The following SVOP variants were observed in gnomAD, a reference collection of about 807,000 sequenced individuals.
The protein encoded by SVOP is synaptic vesicle 2-related protein.
Under a neutral mutation model 69.1 loss-of-function variants are expected in SVOP, and 17 were observed. That is an observed-to-expected ratio of 0.25 (90% CI 0.17 to 0.37). The LOEUF (loss-of-function observed/expected upper bound fraction) is 0.37, where lower values mean the gene tolerates loss of function less well. SVOP is among the 10% of genes least tolerant of loss of function. The pLI, the probability that SVOP is intolerant of heterozygous loss-of-function variation, is 1.00. For synonymous variants in SVOP, 238 were observed against 238.6 expected, an observed-to-expected ratio of 1.00 and a Z score of 0.02; for missense variants, 435 against 597.5, an observed-to-expected ratio of 0.73 and a Z score of 2.84.
At chr12:108,958,460 G>A (rs990023437) in intron 6 of SVOP, among the ~76,000 whole-genome samples, 7 of 152,174 alleles carry the variant, frequency 4.6e-5, no homozygotes, top group East Asian at 1.9e-4. Context: ...AGGCTATACC[G>A]TATAGCCTAG....
In SVOP at chr12:108,909,090, G is replaced by T. The variant is rs1457524032; in HGVS notation, c.*3445C>A. 1 of 152,206 alleles carries T rather than the reference G, an allele frequency of 6.6e-6. No individual in the cohort carries two copies. The highest frequency in any genetic ancestry group is 1.9e-4 in the East Asian group (1 of 5,206). The allele number at this position is 152,206 out of a possible 1,614,324, so 9.4% of individuals were successfully genotyped here. On this transcript the variant is annotated 3_prime_UTR_variant, in exon 16 of 16. Coordinates refer to ENST00000610966, the MANE Select transcript of SVOP (RefSeq NM_018711.5). ...CCATTTTGTGACCATGAGGTTTCAA[G>T]CACAGGGTCAGATGGCCAACATGCA...
intron 7 of SVOP, 114 bp from the exon 8 acceptor site, chr12:108,941,023 T>C (rs1038036451): frequency 1.4e-6 from 2 of 1,404,264 alleles, no homozygotes; most frequent in African/African-American, 2.9e-5. Context: ...TCGGAGTCAG[T>C]AAGGTTAGAA....
At chr12:109,015,988 A>T (rs1003638893) in intron 1 of SVOP, among the ~76,000 whole-genome samples, 6 of 152,194 alleles carry the variant, frequency 3.9e-5, no homozygotes, top group East Asian at 3.8e-4. Context: ...ACATCTTCTT[A>T]GTGTTTTGCA....
intron 8 of SVOP, 145 bp from the exon 9 acceptor site, chr12:108,939,100 A>C: frequency 8.8e-7 from 1 of 1,141,692 alleles, no homozygotes; most frequent in Non-Finnish European, 1.2e-6. Context: ...TGGCCCCACC[A>C]TTTATTATGT....
intron 1 of SVOP, among the ~76,000 whole-genome samples, chr12:109,017,821 G>A (rs1336094420): frequency 6.6e-6 from 1 of 151,920 alleles, no homozygotes; most frequent in African/African-American, 2.4e-5. Flanking sequence ...TGGGATTATA[G>A]GCATGACCCA....
intron 1 of SVOP, among the ~76,000 whole-genome samples, chr12:108,992,745 G>A (rs1021055447): frequency 1.3e-5 from 2 of 152,150 alleles, no homozygotes; most frequent in African/African-American, 4.8e-5. Flanking sequence ...GGATTGCCAG[G>A]GAATGGGGAG....
In SVOP at chr12:108,912,522, C is replaced by A. The variant is rs754991158; in HGVS notation, c.*13G>T. ...CTGCAGCCTCAAAGACCAGCTCAGT[C>A]CCCCATCGGTCACTATTCCTGAGAG... On this transcript the variant is annotated 3_prime_UTR_variant, in exon 16 of 16. Coordinates refer to ENST00000610966, the MANE Select transcript of SVOP (RefSeq NM_018711.5). The A allele has an allele frequency of 2.5e-6, 4 of 1,613,748 alleles. No individual in the cohort carries two copies. The highest frequency in any genetic ancestry group is 3.4e-6 in the Non-Finnish European group (4 of 1,179,690).
intron 4 of SVOP, among the ~76,000 whole-genome samples, chr12:108,973,776 GTCT>G (rs1226069493): frequency 2.6e-5 from 4 of 152,110 alleles, no homozygotes; most frequent in African/African-American, 7.2e-5. Context: ...CGAGTTAGGA[GTCT>G]TCTTCTCCAT....
At chr12:108,939,031 G>T in intron 8 of SVOP, 76 bp from the exon 9 acceptor site, 2 of 1,602,006 alleles carry the variant, frequency 1.2e-6, no homozygotes, top group South Asian at 2.2e-5. Context: ...GCCACACAGT[G>T]TTGCATGTGG....
At chr12:109,001,080 A>G (rs2040266256) in intron 1 of SVOP, among the ~76,000 whole-genome samples, 1 of 151,152 alleles carries the variant, frequency 6.6e-6, no homozygotes, top group Admixed American at 6.6e-5. Flanking sequence ...CTCAGCCCCA[A>G]ATCTCCTTAA....
At chr12:108,923,720 C>T (rs1349131432) in intron 11 of SVOP, among the ~76,000 whole-genome samples, 1 of 152,074 alleles carries the variant, frequency 6.6e-6, no homozygotes, top group African/African-American at 2.4e-5. Flanking sequence ...CAATAGATAA[C>T]TAATACATGG....
chr12:108,963,838 C>G (rs955536010), intron 5 of SVOP, among the ~76,000 whole-genome samples: 5 of 152,170 alleles, frequency 3.3e-5, no homozygotes, highest in African/African-American at 1.2e-4. Context: ...ACTCTCCTCT[C>G]TATTTAACAC....
chr12:108,938,681 C>T, intron 9 of SVOP, 146 bp downstream of exon 9: 4 of 1,325,980 alleles, frequency 3.0e-6, no homozygotes, highest in Non-Finnish European at 3.1e-6. Context: ...ACTGGGCCCT[C>T]ATCTGCTCCA....
chr12:108,984,318 C>T (rs1176369568), intron 1 of SVOP, among the ~76,000 whole-genome samples: 2 of 152,106 alleles, frequency 1.3e-5, no homozygotes, highest in African/African-American at 2.4e-5. Context: ...ACGCCTGGTG[C>T]CAAAATTTTA....
chr12:108,991,241 G>C (rs892209453), intron 1 of SVOP, among the ~76,000 whole-genome samples: 2 of 152,176 alleles, frequency 1.3e-5, no homozygotes, highest in South Asian at 4.1e-4. Flanking sequence ...TATCTGGTTA[G>C]AAGGTGGGAC....
chr12:109,018,385 T>C (rs1334581495), intron 1 of SVOP, among the ~76,000 whole-genome samples: 1 of 152,156 alleles, frequency 6.6e-6, no homozygotes, highest in Non-Finnish European at 1.5e-5. Flanking sequence ...GGACTGTTTC[T>C]TAGACTCCCT....
intron 1 of SVOP, among the ~76,000 whole-genome samples, chr12:109,016,732 C>A (rs1346863936): frequency 6.8e-6 from 1 of 147,022 alleles, no homozygotes; most frequent in African/African-American, 2.6e-5. Flanking sequence ...TTACCTGTAC[C>A]CTGCATTAGT....
At chr12:108,941,964 A>T (rs2039893813) in intron 7 of SVOP, among the ~76,000 whole-genome samples, 1 of 152,008 alleles carries the variant, frequency 6.6e-6, no homozygotes, top group South Asian at 2.1e-4. Flanking sequence ...CACGCCCGGC[A>T]AGAAATTCTG....
At chr12:108,938,530 C>T (rs984574758) in intron 9 of SVOP, among the ~76,000 whole-genome samples, 3 of 152,204 alleles carry the variant, frequency 2.0e-5, no homozygotes, top group Non-Finnish European at 4.4e-5. Context: ...AAAGGCGAAA[C>T]CAAAGCAGGA....
Sources: allele counts gnomAD v4.1 joint callset (sites outside exome capture counted in the v4.1 genomes callset), GRCh38; gene constraint gnomAD v4.1.1; transcripts MANE v1.5; gene names NCBI Gene and HGNC (gene_info 2026-07-23, HGNC 2026-07-21).